LSAMP: variants seen among roughly 807,000 people sequenced by gnomAD.
LSAMP encodes limbic system associated membrane protein.
Under a neutral mutation model 38.6 loss-of-function variants are expected in LSAMP, and 7 were observed. That is an observed-to-expected ratio of 0.18 (90% CI 0.10 to 0.34). The LOEUF (loss-of-function observed/expected upper bound fraction) is 0.34. Among genes scored for constraint, LSAMP ranks in the 10% least tolerant of loss-of-function variants. LSAMP has a pLI of 1.00. For synonymous variants in LSAMP, 154 were observed against 166.8 expected, an observed-to-expected ratio of 0.92 and a Z score of 0.59; for missense variants, 313 against 420.0, an observed-to-expected ratio of 0.75 and a Z score of 2.23.
intron 1 of LSAMP, among the ~76,000 whole-genome samples, chr3:116,290,927 T>C (rs1195564869): frequency 6.6e-6 from 1 of 152,040 alleles, no homozygotes; most frequent in Non-Finnish European, 1.5e-5. Flanking sequence ...CTTGCACACA[T>C]GGTCCCATCC....
intron 1 of LSAMP, among the ~76,000 whole-genome samples, chr3:116,266,609 AG>A (rs1462200569): frequency 6.6e-6 from 1 of 152,160 alleles, no homozygotes; most frequent in Non-Finnish European, 1.5e-5. Flanking sequence ...ACTATTGATC[AG>A]CTACTTGTAC....
At chr3:116,079,313 G>A (rs1400410692) in intron 2 of LSAMP, among the ~76,000 whole-genome samples, 1 of 152,130 alleles carries the variant, frequency 6.6e-6, no homozygotes, top group Non-Finnish European at 1.5e-5. Context: ...TACAGATTGG[G>A]CTGCTCTTCC....
intron 1 of LSAMP, among the ~76,000 whole-genome samples, chr3:116,201,718 G>C (rs765279870): frequency 2.0e-5 from 3 of 152,176 alleles, no homozygotes; most frequent in African/African-American, 7.2e-5. Flanking sequence ...AGCTGAAGCT[G>C]TTCAAGTACG....
chr3:116,010,332 G>A (rs1940289267), intron 3 of LSAMP, among the ~76,000 whole-genome samples: 1 of 152,198 alleles, frequency 6.6e-6, no homozygotes, highest in Admixed American at 6.5e-5. Context: ...TAAGCTTTAA[G>A]CAGGTTGCAA....
intron 1 of LSAMP, among the ~76,000 whole-genome samples, chr3:116,314,958 C>T (rs2047608589): frequency 6.6e-6 from 1 of 152,062 alleles, no homozygotes; most frequent in South Asian, 2.1e-4. Flanking sequence ...ACATCATTGG[C>T]CCTGAAATAG....
intron 3 of LSAMP, among the ~76,000 whole-genome samples, chr3:115,888,699 A>T (rs1936518339): frequency 1.3e-5 from 2 of 151,842 alleles, no homozygotes; most frequent in African/African-American, 4.8e-5. Flanking sequence ...TGTTTTCAAA[A>T]ATTCTCCCAG....
At chr3:116,089,610 G>A (rs2107428579) in intron 1 of LSAMP, among the ~76,000 whole-genome samples, 1 of 152,132 alleles carries the variant, frequency 6.6e-6, no homozygotes, top group Non-Finnish European at 1.5e-5. Context: ...GCCCACCTCG[G>A]TCTCCCAAAG....
intron 1 of LSAMP, among the ~76,000 whole-genome samples, chr3:116,371,174 G>C (rs905285240): frequency 2.6e-5 from 4 of 152,092 alleles, no homozygotes; most frequent in African/African-American, 7.2e-5. Context: ...ATTTGAAGAG[G>C]AGGGAACATT....
chr3:115,952,305 T>A (rs1278354897), intron 3 of LSAMP, among the ~76,000 whole-genome samples: 1 of 152,080 alleles, frequency 6.6e-6, no homozygotes, highest in Admixed American at 6.5e-5. Flanking sequence ...GGCAAAAATA[T>A]GGAACCAGCC....
At chr3:115,855,587 G>A (rs995751793) in intron 3 of LSAMP, among the ~76,000 whole-genome samples, 13 of 152,144 alleles carry the variant, frequency 8.5e-5, no homozygotes, top group Non-Finnish European at 1.3e-4. Flanking sequence ...AATAAAGTGG[G>A]AGCAGGCTCA....
At chr3:116,198,929 A>T (rs1014988194) in intron 1 of LSAMP, among the ~76,000 whole-genome samples, 3 of 151,928 alleles carry the variant, frequency 2.0e-5, no homozygotes, top group African/African-American at 4.8e-5. Context: ...AGTTGTTTTT[A>T]AAAAATTAGC....
In LSAMP at chr3:115,808,143, TCCCTCCCC is replaced by T. The variant is rs1559828926; in HGVS notation, c.*2166_*2173del. On this transcript the variant is annotated 3_prime_UTR_variant, in exon 7 of 7. Transcript: ENST00000490035. The stretch of plus-strand genomic sequence containing the variant: ...CTCCCTCCCTCCCTCCCTCCCTCCC[TCCCTCCCC>T]CCCTTCCCCGTCCCCCCCTCCCTGC... The T allele has an allele frequency of 2.0e-4, 11 of 53,830 alleles. No homozygotes were observed. In the South Asian group the frequency reaches 6.8e-3, roughly 33 times the overall value. 3.3% of individuals were successfully genotyped at this position (53,830 alleles called of 1,614,324 possible). A position where few individuals can be genotyped will look rare whatever the true frequency, so the allele number is the denominator to read the frequency against.
rs1054335638 is a variant in LSAMP at position 116,207,652 on chromosome 3, C to T, written c.156-121096G>A. On this transcript the variant is annotated intron_variant, in intron 1 of 6. Coordinates refer to ENST00000490035, the MANE Select transcript of LSAMP (RefSeq NM_002338.5). ...TTGTCTGTAAAGGATTTTATTTCTC[C>T]TTCACTTATGAAGCTTAGTTTGGCT... is the stretch of plus-strand genomic sequence containing the variant. Among the ~76,000 whole-genome samples the T allele has an allele frequency of 1.5e-4, 23 of 151,740 alleles. 1 individual carries two copies. The highest frequency in any genetic ancestry group is 5.1e-4 in the African/African-American group (21 of 41,304).
chr3:115,997,301 T>C (rs1939842200), intron 3 of LSAMP, among the ~76,000 whole-genome samples: 1 of 152,072 alleles, frequency 6.6e-6, no homozygotes. Flanking sequence ...GTGAATAAGA[T>C]GGACAATGTA....
At position 115,809,531 on chromosome 3, in the gene LSAMP, G is replaced by A. The variant is rs1933740197; in HGVS notation, c.*786C>T. The A allele has an allele frequency of 6.6e-6, 1 of 152,438 alleles. No individual in the cohort carries two copies. Among genetic ancestry groups the A allele is most frequent in the African/African-American group, 2.4e-5 (1 of 41,438 alleles). The allele number at this position is 152,438 out of a possible 1,614,324, so 9.4% of individuals were successfully genotyped here. ...CCATTCCCTTGGCATGCTTTAGAGA[G>A]AGACACACACACGCTCACACACATG... On this transcript the variant is annotated 3_prime_UTR_variant, in exon 7 of 7. Coordinates refer to ENST00000490035, the MANE Select transcript of LSAMP (RefSeq NM_002338.5).
chr3:116,404,600 T>C (rs1201986442), intron 1 of LSAMP, among the ~76,000 whole-genome samples: 1 of 152,162 alleles, frequency 6.6e-6, no homozygotes, highest in African/African-American at 2.4e-5. Context: ...CAGCCTGTCA[T>C]TATTATTACA....
intron 1 of LSAMP, among the ~76,000 whole-genome samples, chr3:116,251,848 G>T (rs944803919): frequency 6.6e-6 from 1 of 152,146 alleles, no homozygotes; most frequent in African/African-American, 2.4e-5. Context: ...AAATTTAAAT[G>T]GATGGTAAAT....
rs754531010 is a variant in LSAMP, at chr3:116,147,290, T to A, written c.156-60734A>T. 4.6e-5 allele frequency among the ~76,000 whole-genome samples: 7 copies of A among 151,884 alleles called. 1 individual carries two copies. The South Asian group carries it at 1.0e-3, about 22-fold the overall frequency. On this transcript the variant is annotated intron_variant, in intron 1 of 6. Transcript: ENST00000490035. Reference sequence around the variant, plus strand: ...ATCATCTCTGTGTTTAATATTCCCATACAATCCATTGACAGAAACATTGAT... The same window carrying A: ...ATCATCTCTGTGTTTAATATTCCCAAACAATCCATTGACAGAAACATTGAT...
At position 115,986,001 on chromosome 3, in the gene LSAMP, C is replaced by T. The variant is rs542397675; in HGVS notation, c.514+33514G>A. ...ACCCAACAATATATAACGAATACAA[C>T]TGCTTTTGGAAGAGATGATCAAAGG... On this transcript the variant is annotated intron_variant, in intron 3 of 6. Coordinates refer to ENST00000490035, the MANE Select transcript of LSAMP (RefSeq NM_002338.5). Among the ~76,000 whole-genome samples, 60 of 152,214 alleles carry T rather than the reference C, an allele frequency of 3.9e-4. 2 individuals carry two copies. In the South Asian group the frequency reaches 0.012, roughly 30 times the overall value.
Sources: allele counts gnomAD v4.1 joint callset (sites outside exome capture counted in the v4.1 genomes callset), GRCh38; gene constraint gnomAD v4.1.1; transcripts MANE v1.5; gene names NCBI Gene and HGNC (gene_info 2026-07-23, HGNC 2026-07-21).